The following MTBP variants were observed in gnomAD, a reference collection of about 807,000 sequenced individuals.
MTBP encodes the protein MDM2 binding protein.
MTBP carries 101 observed loss-of-function variants against 117.0 expected under a neutral mutation model. The ratio of observed to expected loss-of-function variants is 0.86; its 90% CI spans 0.73 to 1.02. The LOEUF is 1.02. Among genes scored for constraint, MTBP ranks in the 50% least tolerant of loss-of-function variants. The pLI is 0.00. For synonymous variants in MTBP, 350 were observed against 351.5 expected (o/e 1.00, Z 0.05); for missense variants, 970 against 1,030.9 (o/e 0.94, Z 0.81).
intron 6 of MTBP, 79 bp from the exon 7 acceptor site, chr8:120,456,474 A>T: frequency 2.2e-6 from 2 of 907,348 alleles, no homozygotes; most frequent in Non-Finnish European, 3.3e-6. Flanking sequence ...TTTGCCTCTT[A>T]GGCTTGTAGT....
At chr8:120,492,559 CA>C (rs1726113235) in intron 13 of MTBP, among the ~76,000 whole-genome samples, 1 of 151,958 alleles carries the variant, frequency 6.6e-6, no homozygotes. Context: ...TACAGAAAAA[CA>C]AAATTTGTTC....
chr8:120,500,200 T>C (rs938366570), intron 14 of MTBP, among the ~76,000 whole-genome samples: 1 of 152,136 alleles, frequency 6.6e-6, no homozygotes, highest in South Asian at 2.1e-4. Flanking sequence ...TTTAAAGCAG[T>C]GTTCTTGGTT....
At chr8:120,459,439 T>C (rs1270076262) in intron 8 of MTBP, 90 bp downstream of exon 8, 1 of 1,309,936 alleles carries the variant, frequency 7.6e-7, no homozygotes, top group Admixed American at 2.3e-5. Flanking sequence ...ATTACTAATA[T>C]ATGTGCTTAA....
intron 11 of MTBP, among the ~76,000 whole-genome samples, chr8:120,481,276 T>C (rs1814078598): frequency 6.6e-6 from 1 of 152,220 alleles, no homozygotes; most frequent in Admixed American, 6.5e-5. Context: ...AGTTTGACAG[T>C]TAAACTTGCA....
At chr8:120,501,539 A>C (rs951551984) in intron 14 of MTBP, among the ~76,000 whole-genome samples, 1 of 151,254 alleles carries the variant, frequency 6.6e-6, no homozygotes, top group Non-Finnish European at 1.5e-5. Flanking sequence ...ACAGAGTGAG[A>C]CTCTTGTCTC....
intron 11 of MTBP, among the ~76,000 whole-genome samples, chr8:120,487,318 G>A (rs1049875527): frequency 6.6e-6 from 1 of 152,112 alleles, no homozygotes; most frequent in African/African-American, 2.4e-5. Flanking sequence ...TGTTGCTTTG[G>A]GGCTTTCTCT....
chr8:120,520,925 T>C (rs1814999517), intron 20 of MTBP, among the ~76,000 whole-genome samples: 1 of 152,114 alleles, frequency 6.6e-6, no homozygotes, highest in South Asian at 2.1e-4. Context: ...GAAAAAGAAT[T>C]TATTTTACCC....
intron 15 of MTBP, among the ~76,000 whole-genome samples, chr8:120,503,733 T>C (rs1042571135): frequency 4.6e-5 from 7 of 152,146 alleles, no homozygotes; most frequent in Non-Finnish European, 7.4e-5. Context: ...GATGGCTCTA[T>C]CTGTAGGCTA....
intron 11 of MTBP, among the ~76,000 whole-genome samples, chr8:120,483,625 AT>A (rs35140692): frequency 3.3e-5 from 5 of 151,908 alleles, no homozygotes; most frequent in Non-Finnish European, 4.4e-5. Context: ...TTATATAAGA[AT>A]TTTTTTTGCT....
chr8:120,461,903 A>G (rs1813588952), intron 9 of MTBP, among the ~76,000 whole-genome samples: 1 of 152,152 alleles, frequency 6.6e-6, no homozygotes, highest in Non-Finnish European at 1.5e-5. Flanking sequence ...ATGACTTTGG[A>G]TTATGTCAGC....
At chr8:120,494,498 T>C (rs1754112062) in intron 13 of MTBP, among the ~76,000 whole-genome samples, 1 of 152,208 alleles carries the variant, frequency 6.6e-6, no homozygotes, top group Non-Finnish European at 1.5e-5. Flanking sequence ...CCTGTGTTTA[T>C]AGACAGCTAT....
intron 10 of MTBP, among the ~76,000 whole-genome samples, chr8:120,464,869 G>A (rs529281030): frequency 6.6e-6 from 1 of 151,652 alleles, no homozygotes; most frequent in Admixed American, 6.6e-5. Flanking sequence ...ACTAGATTTC[G>A]GGAACCCAGT....
At position 120,446,530 on chromosome 8, in the gene MTBP, C is replaced by T. The variant is rs1238925789; in HGVS notation, c.199+17C>T. On this transcript the variant is annotated intron_variant, in intron 2 of 21. Coordinates refer to ENST00000305949, the MANE Select transcript of MTBP (RefSeq NM_022045.5). ...CTTTCCCTGGTAAGTATAATAAACTCCTCTTTTCTCTGGCACAGCATTTGT... is the reference window on the plus strand; with the variant it reads ...CTTTCCCTGGTAAGTATAATAAACTTCTCTTTTCTCTGGCACAGCATTTGT... The T allele has an allele frequency of 7.3e-7, 1 of 1,375,338 alleles. No individual in the cohort carries two copies. Among genetic ancestry groups the T allele is most frequent in the African/African-American group, 1.4e-5 (1 of 70,044 alleles). 85.2% of individuals were successfully genotyped at this position (1,375,338 alleles called of 1,614,324 possible).
At chr8:120,498,669 G>C (rs892564805) in intron 14 of MTBP, among the ~76,000 whole-genome samples, 7 of 152,184 alleles carry the variant, frequency 4.6e-5, no homozygotes, top group African/African-American at 1.7e-4. Context: ...ATTTTGAGGA[G>C]AGAACTACAA....
intron 13 of MTBP, among the ~76,000 whole-genome samples, chr8:120,493,489 TA>T (rs1474181541): frequency 7.3e-6 from 1 of 137,916 alleles, no homozygotes; most frequent in Admixed American, 6.9e-5. Context: ...GGGGTGTATA[TA>T]TATAATTTTT....
intron 8 of MTBP, among the ~76,000 whole-genome samples, chr8:120,460,567 C>T (rs973260148): frequency 6.6e-6 from 1 of 152,188 alleles, no homozygotes; most frequent in Non-Finnish European, 1.5e-5. Context: ...GTAACAAACT[C>T]TAATTTGGTT....
At chr8:120,453,977 G>T in intron 5 of MTBP, 72 bp downstream of exon 5, 7 of 897,676 alleles carry the variant, frequency 7.8e-6, no homozygotes, top group Non-Finnish European at 1.0e-5. Context: ...TGATAAATTT[G>T]TTCTTTATGT....
At chr8:120,501,212 A>AG (rs1814579559) in intron 14 of MTBP, among the ~76,000 whole-genome samples, 1 of 130,460 alleles carries the variant, frequency 7.7e-6, no homozygotes, top group Non-Finnish European at 1.7e-5. Flanking sequence ...AAAAAAAAAA[A>AG]TTAGCCGGGC....
rs552529824 is a variant in MTBP at position 120,519,953 on chromosome 8, C to T, written c.2610+1136C>T. Among the ~76,000 whole-genome samples the T allele has an allele frequency of 1.2e-4, 18 of 152,190 alleles. No individual in the cohort carries two copies. The South Asian group carries it at 2.9e-3, about 25-fold the overall frequency. Reference sequence around the variant, plus strand: ...CCTCAGTGACACTGTAGGAAATAGTCGCTGGGGAAAATATTGGAAGCTGCA... The same window carrying T: ...CCTCAGTGACACTGTAGGAAATAGTTGCTGGGGAAAATATTGGAAGCTGCA... On this transcript the variant is annotated intron_variant, in intron 20 of 21. Transcript: ENST00000305949.
Sources: gnomAD v4.1 joint callset for allele counts (sites outside exome capture counted in the v4.1 genomes callset) on GRCh38, gnomAD v4.1.1 for gene constraint, MANE v1.5 for transcripts, NCBI Gene and HGNC (gene_info 2026-07-23, HGNC 2026-07-21) for gene names.